The following WTIP variants were observed in gnomAD, a reference collection of about 807,000 sequenced individuals.
WTIP encodes the protein Wilms tumor protein 1-interacting protein.
In WTIP, 23 loss-of-function variants were observed where a neutral mutation model predicts 41.7. The observed-to-expected ratio is 0.55, with a 90% CI of 0.40 to 0.78. WTIP has a LOEUF of 0.78. Among genes scored for constraint, WTIP ranks in the 30% least tolerant of loss-of-function variants. The probability of loss-of-function intolerance (pLI) is 0.00; values close to 1 mark genes in which losing one functional copy is unlikely to be tolerated. For missense variants in WTIP, 619 were observed against 610.5 expected (o/e 1.01, Z -0.15); for synonymous variants, 314 against 269.9 (o/e 1.16, Z -1.60).
rs995775068 is a variant in WTIP, at chr19:34,482,038, G to C, written c.64G>C (p.Glu22Gln). The change falls in exon 1 of 8, where the codon GAG becomes CAG. Residue 22 changes from glutamate to glutamine, a missense_variant. Glu to Gln is a conservative substitution (Grantham distance 29). Coordinates refer to ENST00000590071, the MANE Select transcript of WTIP (RefSeq NM_001080436.2). ...ACTCCTGGCCGGGCTGGCCCTGCGG[G>C]AGCTGGAGCCCGGGTGCGGCTCTCC... ...ALLLAGLALR[E>Q]LEPGCGSPGR... is the part of the protein sequence containing the mutation. 1.9e-6 allele frequency: 2 copies of C among 1,029,718 alleles called. No individual in the cohort carries two copies. Among genetic ancestry groups the C allele is most frequent in the South Asian group, 8.9e-5 (2 of 22,572 alleles). The allele number at this position is 1,029,718 out of a possible 1,614,324, so 63.8% of individuals were successfully genotyped here.
In WTIP at chr19:34,504,117, TGA is replaced by T. The variant is rs1313177736; in HGVS notation, c.*3855_*3856del. 1 of 151,442 alleles carries T rather than the reference TGA, an allele frequency of 6.6e-6. No homozygotes were observed. Among genetic ancestry groups the T allele is most frequent in the African/African-American group, 2.4e-5 (1 of 41,092 alleles). The allele number at this position is 151,442 out of a possible 1,614,324, so 9.4% of individuals were successfully genotyped here. The stretch of plus-strand genomic sequence containing the variant: ...GGGATTGAATATTTCAGAAAATGAA[TGA>T]GAGAGATTGGGAGAGATGGTGGGAG... On this transcript the variant is annotated 3_prime_UTR_variant, in exon 8 of 8. Coordinates refer to ENST00000590071, the MANE Select transcript of WTIP (RefSeq NM_001080436.2).
rs2075820170 is a variant in WTIP, at chr19:34,490,476, TGGTAGGTAACCTCGTGCCCTG to T, written c.769+5_769+25del. 6.2e-7 allele frequency: 1 copy of T among 1,613,814 alleles called. No individual in the cohort carries two copies. Among genetic ancestry groups the T allele is most frequent in the East Asian group, 2.2e-5 (1 of 44,860 alleles). The stretch of plus-strand genomic sequence containing the variant: ...CTGACTGCTTCACCTGCGACTCGTG[TGGTAGGTAACCTCGTGCCCTG>T]GGTAGCTCTGTGAAGGGGACCTGCC... On this transcript the variant is annotated splice_donor_variant and splice_donor_5th_base_variant and coding_sequence_variant and intron_variant, in exon 2 of 8. Coordinates refer to ENST00000590071, the MANE Select transcript of WTIP (RefSeq NM_001080436.2). LOFTEE classifies it high-confidence loss of function.
chr19:34,511,011 C>T lies in WTIP; in HGVS notation c.*10742C>T, dbSNP rs1403692901. On this transcript the variant is annotated 3_prime_UTR_variant, in exon 8 of 8. Coordinates refer to ENST00000590071, the MANE Select transcript of WTIP (RefSeq NM_001080436.2). ...ACATTTTCCTATATTCTTCTGAGCCCTCCAAACTGTTCCAACCTCTGCCTG... is the reference window on the plus strand; with the variant it reads ...ACATTTTCCTATATTCTTCTGAGCCTTCCAAACTGTTCCAACCTCTGCCTG... 6.6e-6 allele frequency: 1 copy of T among 152,260 alleles called. No homozygotes were observed. The highest frequency in any genetic ancestry group is 2.4e-5 in the African/African-American group (1 of 41,442). The allele number at this position is 152,260 out of a possible 1,614,324, so 9.4% of individuals were successfully genotyped here.
rs1188706310 is a variant in WTIP at position 34,507,709 on chromosome 19, T to A, written c.*7440T>A. 1 of 152,250 alleles carries A rather than the reference T, an allele frequency of 6.6e-6. No individual in the cohort carries two copies. 9.4% of individuals were successfully genotyped at this position (152,250 alleles called of 1,614,324 possible). On this transcript the variant is annotated 3_prime_UTR_variant, in exon 8 of 8. Coordinates refer to ENST00000590071, the MANE Select transcript of WTIP (RefSeq NM_001080436.2). ...TGGGGTAGGGAGTGAGTCATTGCAT[T>A]ATAGACTTGGACTAGGTGGATGCTA... is the stretch of plus-strand genomic sequence containing the variant.
chr19:34,493,567 G>T lies in WTIP; in HGVS notation c.976G>T (p.Val326Phe), dbSNP rs1318493669. The change falls in exon 5 of 8, where the codon GTT becomes TTT. Residue 326 changes from valine (V) to phenylalanine (F), a missense_variant. Physicochemically the swap from Val to Phe is conservative, Grantham distance 50. Around this residue, in one of 3 missense-constraint regions of WTIP, gnomAD observed 164 missense variants for 219.1 expected, o/e 0.75. Transcript: ENST00000590071. This position sits in a 1 kb window ranked among gnomAD's most constrained non-coding sequence, Gnocchi z 4.1. Reference sequence around the variant, plus strand: ...CGTGTGCAATGAGTGCCTGGACGGGGTTCCCTTCACCGTGGACGTGGAGAA... The same window carrying T: ...CGTGTGCAATGAGTGCCTGGACGGGTTTCCCTTCACCGTGGACGTGGAGAA... Reference protein sequence around the residue: ...CSVCNECLDGVPFTVDVENNI... With the variant: ...CSVCNECLDGFPFTVDVENNI... 1 of 1,613,704 alleles carries T rather than the reference G, an allele frequency of 6.2e-7. No homozygotes were observed. Among genetic ancestry groups the T allele is most frequent in the African/African-American group, 1.3e-5 (1 of 75,052 alleles).
rs114335899 is a variant in WTIP at position 34,499,035 on chromosome 19, G to A, written c.1153-1094G>A. Among the ~76,000 whole-genome samples the A allele has an allele frequency of 3.3e-3, 500 of 151,810 alleles. 1 individual carries two copies. Among genetic ancestry groups the A allele is most frequent in the African/African-American group, 0.012 (487 of 41,356 alleles). ...ATCAGCCTGATCAGCATAGCAAGAC[G>A]CCATGTCTACAAAATACAAGGGGAA... On this transcript the variant is annotated intron_variant, in intron 7 of 7. Coordinates refer to ENST00000590071, the MANE Select transcript of WTIP (RefSeq NM_001080436.2).
Position 34,512,065 on chromosome 19 carries a change from C to G in WTIP, c.*11796C>G, listed in dbSNP as rs1424095416. ...TCAGTAAAGCTTTATGGATTAGGGTCTTCAGAAGCCTTACTTGTTTTTCTG... is the reference window on the plus strand; with the variant it reads ...TCAGTAAAGCTTTATGGATTAGGGTGTTCAGAAGCCTTACTTGTTTTTCTG... On this transcript the variant is annotated 3_prime_UTR_variant, in exon 8 of 8. Coordinates refer to ENST00000590071, the MANE Select transcript of WTIP (RefSeq NM_001080436.2). 6.6e-6 allele frequency: 1 copy of G among 152,058 alleles called. No individual in the cohort carries two copies. Among genetic ancestry groups the G allele is most frequent in the African/African-American group, 2.4e-5 (1 of 41,390 alleles). The allele number at this position is 152,058 out of a possible 1,614,324, so 9.4% of individuals were successfully genotyped here.
At position 34,507,920 on chromosome 19, in the gene WTIP, C is replaced by T. The variant is rs1231978685; in HGVS notation, c.*7651C>T. 1 of 152,218 alleles carries T rather than the reference C, an allele frequency of 6.6e-6. No individual in the cohort carries two copies. Among genetic ancestry groups the T allele is most frequent in the African/African-American group, 2.4e-5 (1 of 41,430 alleles). 9.4% of individuals were successfully genotyped at this position (152,218 alleles called of 1,614,324 possible). A position where few individuals can be genotyped will look rare whatever the true frequency, so the allele number is the denominator to read the frequency against. On this transcript the variant is annotated 3_prime_UTR_variant, in exon 8 of 8. Coordinates refer to ENST00000590071, the MANE Select transcript of WTIP (RefSeq NM_001080436.2). ...CCAGCCTCTGTAGCTGGTTGAGGAG[C>T]AAATAGGTTTCCCTGTCCTGACTCC...
chr19:34,493,494 C>A lies in WTIP; in HGVS notation c.903C>A (p.Ile301=). Residue 301 remains isoleucine (I), a splice_region_variant and synonymous_variant, in exon 5 of 8, where the codon ATC becomes ATA. Coordinates refer to ENST00000590071, the MANE Select transcript of WTIP (RefSeq NM_001080436.2). The surrounding 1 kb of genome is among the most constrained non-coding windows in gnomAD (Gnocchi z 4.1). Reference sequence around the variant, plus strand: ...CCCTCAGTGTGCCCCGCCCACAGATCCTGCAGGCCCTGGGCAAGTCCTACC... The same window carrying A: ...CCCTCAGTGTGCCCCGCCCACAGATACTGCAGGCCCTGGGCAAGTCCTACC... ...SVCGHLIMEM[I]LQALGKSYHP... is the part of the protein sequence containing the mutation. The A allele has an allele frequency of 1.2e-6, 2 of 1,613,522 alleles. No homozygotes were observed.
Position 34,482,345 on chromosome 19 carries a change from G to C in WTIP, c.371G>C (p.Gly124Ala). 1 of 1,387,358 alleles carries C rather than the reference G, an allele frequency of 7.2e-7. No individual in the cohort carries two copies. Among genetic ancestry groups the C allele is most frequent in the East Asian group, 3.4e-5 (1 of 29,324 alleles). The allele number at this position is 1,387,358 out of a possible 1,614,324, so 85.9% of individuals were successfully genotyped here. A position where few individuals can be genotyped will look rare whatever the true frequency, so the allele number is the denominator to read the frequency against. Residue 124 changes from glycine to alanine, a missense_variant, in exon 1 of 8, where the codon GGT becomes GCT. By Grantham distance (60) the Gly-to-Ala change is moderately conservative. This residue lies in a region of WTIP where 363 missense variants were observed against 309.0 expected (regional missense o/e 1.17). Transcript: ENST00000590071. ...YDQRHGSPRS[G>A]RSDPRPGPGP... Reference sequence around the variant, plus strand: ...CAGCGCCACGGCAGCCCGCGCTCCGGTCGCTCGGACCCGCGTCCCGGTCCC... The same window carrying C: ...CAGCGCCACGGCAGCCCGCGCTCCGCTCGCTCGGACCCGCGTCCCGGTCCC...
In WTIP at chr19:34,512,145, G is replaced by A. The variant is rs1236061389; in HGVS notation, c.*11876G>A. On this transcript the variant is annotated 3_prime_UTR_variant, in exon 8 of 8. Transcript: ENST00000590071. ...ACTGTGCTAAAGAGACAGTGGTGGA[G>A]GTGCTGGGCGTGCTGCTTTTCTCCT... The A allele has an allele frequency of 6.6e-6, 1 of 152,180 alleles. No individual in the cohort carries two copies. The highest frequency in any genetic ancestry group is 1.5e-5 in the Non-Finnish European group (1 of 68,030). The allele number at this position is 152,180 out of a possible 1,614,324, so 9.4% of individuals were successfully genotyped here.
Position 34,507,968 on chromosome 19 carries a change from G to A in WTIP, c.*7699G>A, listed in dbSNP as rs2075919450. Reference sequence around the variant, plus strand: ...TCCACCTTGGAGCACCTTCCCTTGAGACCCACCAGGCTCTCTTTCAGTCAC... The same window carrying A: ...TCCACCTTGGAGCACCTTCCCTTGAAACCCACCAGGCTCTCTTTCAGTCAC... On this transcript the variant is annotated 3_prime_UTR_variant, in exon 8 of 8. Coordinates refer to ENST00000590071, the MANE Select transcript of WTIP (RefSeq NM_001080436.2). 2 of 152,254 alleles carry A rather than the reference G, an allele frequency of 1.3e-5. No homozygotes were observed. Among genetic ancestry groups the A allele is most frequent in the Admixed American group, 1.3e-4 (2 of 15,280 alleles). The allele number at this position is 152,254 out of a possible 1,614,324, so 9.4% of individuals were successfully genotyped here.
chr19:34,501,669 A>C lies in WTIP; in HGVS notation c.*1400A>C, dbSNP rs1360780377. 6.6e-6 allele frequency: 1 copy of C among 152,286 alleles called. No homozygotes were observed. Among genetic ancestry groups the C allele is most frequent in the Non-Finnish European group, 1.5e-5 (1 of 68,130 alleles). 9.4% of individuals were successfully genotyped at this position (152,286 alleles called of 1,614,324 possible). On this transcript the variant is annotated 3_prime_UTR_variant, in exon 8 of 8. Transcript: ENST00000590071. ...GTCCAGGCCGAGCCCAAGGGAACAA[A>C]CACCAGGAGGCGCCCGCAGGGAAGT...
Position 34,510,253 on chromosome 19 carries a change from T to A in WTIP, c.*9984T>A, listed in dbSNP as rs563842000. 6.8e-6 allele frequency: 1 copy of A among 147,544 alleles called. No individual in the cohort carries two copies. The highest frequency in any genetic ancestry group is 2.1e-4 in the South Asian group (1 of 4,812). The allele number at this position is 147,544 out of a possible 1,614,324, so 9.1% of individuals were successfully genotyped here. On this transcript the variant is annotated 3_prime_UTR_variant, in exon 8 of 8. Coordinates refer to ENST00000590071, the MANE Select transcript of WTIP (RefSeq NM_001080436.2). ...GGGCATCCAGGCATTTTCATACATC[T>A]TCTGAAATCTAGATGGAGGTTCCCA...
rs758721027 is a variant in WTIP, at chr19:34,500,246, A to G, written c.1270A>G (p.Thr424Ala). 1 of 1,607,684 alleles carries G rather than the reference A, an allele frequency of 6.2e-7. No homozygotes were observed. The highest frequency in any genetic ancestry group is 8.5e-7 in the Non-Finnish European group (1 of 1,179,182). Residue 424 changes from threonine (T) to alanine (A), a missense_variant, in exon 8 of 8, where the codon ACT becomes GCT. Thr to Ala is a moderately conservative substitution (Grantham distance 58). Coordinates refer to ENST00000590071, the MANE Select transcript of WTIP (RefSeq NM_001080436.2). ...RLQPGPLPSP[T>A]VHVTEL Reference sequence around the variant, plus strand: ...CCAACCTGGGCCTCTTCCCTCACCCACTGTGCACGTCACTGAGCTCTGAGC... The same window carrying G: ...CCAACCTGGGCCTCTTCCCTCACCCGCTGTGCACGTCACTGAGCTCTGAGC...
At chr19:34,487,521 G>C (rs2075803831) in intron 1 of WTIP, among the ~76,000 whole-genome samples, 1 of 151,312 alleles carries the variant, frequency 6.6e-6, no homozygotes, top group South Asian at 2.1e-4. Flanking sequence ...TGAAGACCCA[G>C]AAAGCTGGGT....
chr19:34,493,219 G>A lies in WTIP; in HGVS notation c.838-44G>A, dbSNP rs2075834750. On this transcript the variant is annotated intron_variant, in intron 3 of 7. Coordinates refer to ENST00000590071, the MANE Select transcript of WTIP (RefSeq NM_001080436.2). The surrounding 1 kb of genome is among the most constrained non-coding windows in gnomAD (Gnocchi z 4.1). ...GGCAGGTGCTAGCTGGGCCGCGAGT[G>A]CCCCTTTGTCACACAATGTCCTGGA... 2 of 1,613,108 alleles carry A rather than the reference G, an allele frequency of 1.2e-6. No individual in the cohort carries two copies. The highest frequency in any genetic ancestry group is 1.7e-5 in the Admixed American group (1 of 59,938).
chr19:34,488,377 T>C (rs2075808467), intron 1 of WTIP, among the ~76,000 whole-genome samples: 1 of 151,776 alleles, frequency 6.6e-6, no homozygotes, highest in Non-Finnish European at 1.5e-5. Context: ...CCTGGCCTCT[T>C]CTTTTTTTGG....
At chr19:34,484,428 G>A (rs956924956) in intron 1 of WTIP, among the ~76,000 whole-genome samples, 12 of 152,224 alleles carry the variant, frequency 7.9e-5, no homozygotes, top group South Asian at 6.2e-4. Context: ...GATGGAGAGC[G>A]CCTCCCATCT....
Sources: gnomAD v4.1 joint callset for allele counts (sites outside exome capture counted in the v4.1 genomes callset) on GRCh38, gnomAD v4.1.1 for gene constraint, gnomAD v4.1.1 regional missense constraint, Gnocchi (gnomAD v3.1) non-coding constraint, MANE v1.5 for transcripts, NCBI Gene and HGNC (gene_info 2026-07-23, HGNC 2026-07-21) for gene names.